The following DOP1B variants were observed in gnomAD, a reference collection of about 807,000 sequenced individuals.
The protein encoded by DOP1B is DOP1 leucine zipper like protein B, also known as protein DOP1B.
In DOP1B, 174 loss-of-function variants were observed where a neutral mutation model predicts 233.5. That is an observed-to-expected ratio of 0.75 (90% CI 0.66 to 0.85). DOP1B has a LOEUF of 0.85. Among genes scored for constraint, DOP1B ranks in the 40% least tolerant of loss-of-function variants. The pLI is 0.00. For synonymous variants in DOP1B, 1,190 were observed against 1,185.6 expected (o/e 1.00, Z -0.08); for missense variants, 2,652 against 2,846.6 (o/e 0.93, Z 1.56).
At chr21:36,209,615 C>T (rs925426289) in intron 5 of DOP1B, among the ~76,000 whole-genome samples, 8 of 152,186 alleles carry the variant, frequency 5.3e-5, no homozygotes, top group African/African-American at 1.9e-4. Context: ...CGTCCTCCCC[C>T]TCCTCTCTTG....
intron 2 of DOP1B, among the ~76,000 whole-genome samples, chr21:36,165,824 C>G (rs1012645525): frequency 1.3e-5 from 2 of 150,610 alleles, no homozygotes; most frequent in Non-Finnish European, 1.5e-5. Flanking sequence ...CAAGCGATTA[C>G]TCCTGCCTCA....
chr21:36,227,505 A>C (rs147763432), intron 12 of DOP1B, among the ~76,000 whole-genome samples, 181 bp from the exon 13 acceptor site: 5,042 of 151,004 alleles, frequency 0.033, 264 homozygotes, highest in African/African-American at 0.11. Context: ...CGAGATCGCG[A>C]CACTGCACTC....
At position 36,252,454 on chromosome 21, in the gene DOP1B, T is replaced by G. The variant is rs201035808; in HGVS notation, c.5121+1170T>G. 3.1e-5 allele frequency among the ~76,000 whole-genome samples: 4 copies of G among 127,574 alleles called. No homozygotes were observed. The East Asian group carries it at 8.8e-4, about 28-fold the overall frequency. 83.7% of individuals were successfully genotyped at this position (127,574 alleles called of 152,430 possible). On this transcript the variant is annotated intron_variant, in intron 22 of 36. Transcript: ENST00000691173. ...GCCTAGACAACAGAGTGACACTTCA[T>G]GTAAAAAAAAAAAAAAAAAAGGAAA...
At chr21:36,226,117 A>G (rs1178285273) in intron 12 of DOP1B, among the ~76,000 whole-genome samples, 1 of 152,344 alleles carries the variant, frequency 6.6e-6, no homozygotes, top group East Asian at 1.9e-4. Context: ...TGTCTAGATC[A>G]AATTGAAATA....
At chr21:36,199,991 A>G (rs2066342517) in intron 3 of DOP1B, among the ~76,000 whole-genome samples, 1 of 152,182 alleles carries the variant, frequency 6.6e-6, no homozygotes, top group Non-Finnish European at 1.5e-5. Context: ...TTCTAGTTCT[A>G]GATCCTTGAG....
At chr21:36,227,614 C>T (rs1402930611) in intron 12 of DOP1B, 72 bp from the exon 13 acceptor site, 2 of 1,280,768 alleles carry the variant, frequency 1.6e-6, no homozygotes, top group Non-Finnish European at 2.1e-6. Context: ...GAATTAGATG[C>T]CATTTTGAGA....
chr21:36,198,450 A>AG (rs2066319422), intron 2 of DOP1B, among the ~76,000 whole-genome samples: 1 of 152,040 alleles, frequency 6.6e-6, no homozygotes, highest in Non-Finnish European at 1.5e-5. Flanking sequence ...AAAGAAAAAA[A>AG]AAGATTAAGC....
chr21:36,231,288 C>A (rs373616470), intron 14 of DOP1B, among the ~76,000 whole-genome samples, 154 bp downstream of exon 14: 1 of 152,250 alleles, frequency 6.6e-6, no homozygotes, highest in East Asian at 1.9e-4. Flanking sequence ...TTACACTTAC[C>A]GATTCAGCAT....
chr21:36,290,158 CG>C (rs1455182107), intron 35 of DOP1B, among the ~76,000 whole-genome samples: 1 of 152,128 alleles, frequency 6.6e-6, no homozygotes, highest in African/African-American at 2.4e-5. Context: ...ATGGGATGTA[CG>C]GGAACTACTT....
intron 36 of DOP1B, among the ~76,000 whole-genome samples, chr21:36,292,835 A>G (rs1371792514): frequency 6.6e-6 from 1 of 152,062 alleles, no homozygotes; most frequent in African/African-American, 2.4e-5. Flanking sequence ...GCTGGTCTCG[A>G]ACTCCTGACC....
chr21:36,263,047 C>G (rs1188864970), intron 24 of DOP1B, among the ~76,000 whole-genome samples: 1 of 151,870 alleles, frequency 6.6e-6, no homozygotes, highest in Non-Finnish European at 1.5e-5. Context: ...TCAGCCTGGG[C>G]AACACGGTGA....
At chr21:36,258,052 T>C (rs1569056132) in intron 23 of DOP1B, among the ~76,000 whole-genome samples, 1 of 151,580 alleles carries the variant, frequency 6.6e-6, no homozygotes, top group Non-Finnish European at 1.5e-5. Flanking sequence ...GGTAGGTAGA[T>C]AGATGTAGGT....
chr21:36,203,656 T>C (rs1387837340), intron 4 of DOP1B, among the ~76,000 whole-genome samples: 1 of 150,694 alleles, frequency 6.6e-6, no homozygotes, highest in African/African-American at 2.5e-5. Context: ...GGGGGGGTCA[T>C]GATGAGCACG....
At chr21:36,284,265 CTTTTTTTTTT>C (rs71326667) in intron 32 of DOP1B, among the ~76,000 whole-genome samples, 13 of 75,872 alleles carry the variant, frequency 1.7e-4, no homozygotes, top group Admixed American at 1.5e-3. Context: ...TTCCTTCTTT[CTTTTTTTTTT>C]TTTTTTTTTT....
intron 1 of DOP1B, among the ~76,000 whole-genome samples, chr21:36,158,216 CTAGT>C (rs1353805868): frequency 1.3e-5 from 2 of 152,154 alleles, no homozygotes; most frequent in Non-Finnish European, 2.9e-5. Flanking sequence ...CTTTCTGTGT[CTAGT>C]TATTTATAGC....
intron 12 of DOP1B, among the ~76,000 whole-genome samples, chr21:36,227,242 AAAAT>A (rs1206512881): frequency 6.7e-6 from 1 of 149,022 alleles, no homozygotes; most frequent in Non-Finnish European, 1.5e-5. Context: ...AAAATAAAAT[AAAAT>A]AAAAAAGAAA....
chr21:36,236,770 T>C (rs1433966650), intron 15 of DOP1B, among the ~76,000 whole-genome samples: 2 of 121,276 alleles, frequency 1.6e-5, no homozygotes, highest in African/African-American at 5.7e-5. Flanking sequence ...TTTTTCTTTT[T>C]CTTTTTCTTT....
intron 1 of DOP1B, 107 bp from the exon 2 acceptor site, chr21:36,164,601 T>G: frequency 1.2e-6 from 1 of 814,238 alleles, no homozygotes; most frequent in Non-Finnish European, 1.8e-6. Flanking sequence ...CCAGTGAGTT[T>G]GTGCACAGTT....
intron 2 of DOP1B, among the ~76,000 whole-genome samples, chr21:36,174,137 G>C (rs2065999709): frequency 1.3e-5 from 2 of 152,162 alleles, no homozygotes; most frequent in African/African-American, 4.8e-5. Flanking sequence ...GGAGCTTGGA[G>C]ACCTAGTGAA....
Sources: allele counts gnomAD v4.1 joint callset (sites outside exome capture counted in the v4.1 genomes callset), GRCh38; gene constraint gnomAD v4.1.1; transcripts MANE v1.5; gene names NCBI Gene and HGNC (gene_info 2026-07-23, HGNC 2026-07-21).